Variants in CARD10 observed in about 807,000 individuals in gnomAD.
CARD10 encodes caspase recruitment domain-containing protein 10.
A neutral mutation model predicts 114.6 loss-of-function variants in CARD10; 49 were observed. That is an observed-to-expected ratio of 0.43 (90% CI 0.34 to 0.54). The LOEUF (loss-of-function observed/expected upper bound fraction) is 0.54, where lower values mean the gene tolerates loss of function less well. CARD10 is among the 20% of genes least tolerant of loss of function. The pLI, the probability that CARD10 is intolerant of heterozygous loss-of-function variation, is 0.03. For missense variants in CARD10, 1,206 were observed against 1,397.2 expected (o/e 0.86, Z 2.18); for synonymous variants, 602 against 593.2 (o/e 1.01, Z -0.21).
chr22:37,511,997 G>A (rs1224450941), intron 3 of CARD10: 1 of 152,170 alleles, frequency 6.6e-6, no homozygotes, highest in African/African-American at 2.4e-5. Context: ...CCTCCCAAAG[G>A]TGTTGCAAGA....
intron 2 of CARD10, among the ~76,000 whole-genome samples, chr22:37,517,627 C>A (rs576472037): frequency 1.3e-5 from 2 of 150,684 alleles, no homozygotes; most frequent in African/African-American, 2.5e-5. Flanking sequence ...GGTGACAGAG[C>A]AAGACACTGT....
Position 37,496,061 on chromosome 22 carries a change from AGGATC to A in CARD10, c.2060-63_2060-59del. The A allele has an allele frequency of 6.3e-7, 1 of 1,595,160 alleles. No individual in the cohort carries two copies. Among genetic ancestry groups the A allele is most frequent in the East Asian group, 2.2e-5 (1 of 44,572 alleles). On this transcript the variant is annotated intron_variant, in intron 13 of 19. Coordinates refer to ENST00000251973, the MANE Select transcript of CARD10 (RefSeq NM_014550.4). This position sits in a 1 kb window ranked among gnomAD's most constrained non-coding sequence, Gnocchi z 4.1. ...GGACAAGAGGAGGATGGTGAGGTCC[AGGATC>A]GGCCTTGGTGGGGCCAAAGACATGG...
chr22:37,495,049 G>A (rs909317995), intron 15 of CARD10, among the ~76,000 whole-genome samples: 2 of 151,856 alleles, frequency 1.3e-5, no homozygotes, highest in South Asian at 2.1e-4. Flanking sequence ...TGCAAGCTCC[G>A]CCTCCCGGGT....
At chr22:37,494,282 C>A in intron 15 of CARD10, 94 bp from the exon 16 acceptor site, 1 of 810,754 alleles carries the variant, frequency 1.2e-6, no homozygotes, top group South Asian at 1.7e-5. Context: ...GCGGGCCCCA[C>A]TGCCACTGTG....
rs60611523 is a variant in CARD10, at chr22:37,510,301, GCTCCTTCTCCTT to G, written c.808_819del (p.Lys270_Glu273del). 5.9e-4 allele frequency: 948 copies of G among 1,605,622 alleles called. 8 individuals are homozygous for G. The highest frequency in any genetic ancestry group is 4.2e-3 in the South Asian group (383 of 91,016). ...TCAGAGACAAGGTCCACATTGTCTG[GCTCCTTCTCCTT>G]CTCCTTCTCCTTCTCCTTCTCCTCT... On this transcript the variant is annotated inframe_deletion, in exon 4 of 20. Transcript: ENST00000251973.
At chr22:37,515,236 G>A (rs537950764) in intron 3 of CARD10, among the ~76,000 whole-genome samples, 1 of 152,318 alleles carries the variant, frequency 6.6e-6, no homozygotes, top group Admixed American at 6.5e-5. Context: ...TGTGAGCAGT[G>A]TGCTAGGGAC....
At position 37,491,327 on chromosome 22, in the gene CARD10, C is replaced by G; in HGVS notation, c.2931G>C (p.Gln977His). 6.4e-7 allele frequency: 1 copy of G among 1,555,848 alleles called. No homozygotes were observed. Among genetic ancestry groups the G allele is most frequent in the Non-Finnish European group, 8.7e-7 (1 of 1,155,748 alleles). Residue 977 changes from glutamine (Q) to histidine (H), a missense_variant, in exon 20 of 20, where the codon CAG (glutamine) becomes CAC (histidine). Coordinates refer to ENST00000251973, the MANE Select transcript of CARD10 (RefSeq NM_014550.4). Reference protein sequence around the residue: ...ELLRQCRGSEQVLWGLPCSWV... With the variant: ...ELLRQCRGSEHVLWGLPCSWV... Reference sequence around the variant, plus strand: ...AGGAGCAGGGCAGCCCCCAGAGCACCTGCTCTGAGCCACGGCACTGCCGCA... The same window carrying G: ...AGGAGCAGGGCAGCCCCCAGAGCACGTGCTCTGAGCCACGGCACTGCCGCA...
intron 2 of CARD10, 101 bp from the exon 3 acceptor site, chr22:37,516,399 G>A (rs1395600738): frequency 3.3e-5 from 26 of 781,096 alleles, no homozygotes; most frequent in Non-Finnish European, 5.1e-5. Flanking sequence ...AACACTAGAG[G>A]GAAATTCTGG....
At chr22:37,511,308 T>G (rs1166792560) in intron 3 of CARD10, among the ~76,000 whole-genome samples, 3 of 112,100 alleles carry the variant, frequency 2.7e-5, no homozygotes, top group African/African-American at 1.1e-4. Context: ...CAGTGAACCA[T>G]AATCGTGCCA....
At chr22:37,504,059 T>C (rs1462270549) in intron 9 of CARD10, 127 bp downstream of exon 9, 1 of 763,282 alleles carries the variant, frequency 1.3e-6, no homozygotes, top group Non-Finnish European at 2.3e-6. Flanking sequence ...GCTCCAGCCA[T>C]CTGAGGGCAA....
At position 37,519,410 on chromosome 22, in the gene CARD10, G is replaced by T. The variant is rs578192181; in HGVS notation, c.-210C>A. The T allele has an allele frequency of 7.1e-5, 84 of 1,178,012 alleles. No individual in the cohort carries two copies. The Admixed American group carries it at 2.2e-3, about 30-fold the overall frequency. The allele number at this position is 1,178,012 out of a possible 1,614,324, so 73.0% of individuals were successfully genotyped here. A position where few individuals can be genotyped will look rare whatever the true frequency, so the allele number is the denominator to read the frequency against. Reference sequence around the variant, plus strand: ...GGCGGCGGCTCCGCCGGCGCAGGGGGGCGGTGCCCGTGGCGCCCCCGGCTC... The same window carrying T: ...GGCGGCGGCTCCGCCGGCGCAGGGGTGCGGTGCCCGTGGCGCCCCCGGCTC... On this transcript the variant is annotated 5_prime_UTR_variant, in exon 1 of 20. Coordinates refer to ENST00000251973, the MANE Select transcript of CARD10 (RefSeq NM_014550.4). This position sits in a 1 kb window ranked among gnomAD's most constrained non-coding sequence, Gnocchi z 4.1.
In CARD10 at chr22:37,497,977, G is replaced by T. The variant is rs118093059; in HGVS notation, c.1788-799C>A. Among the ~76,000 whole-genome samples the T allele has an allele frequency of 1.6e-3, 251 of 152,294 alleles. 1 individual carries two copies. Among genetic ancestry groups the T allele is most frequent in the Non-Finnish European group, 2.7e-3 (184 of 68,024 alleles). ...AAGCAGAGAGAGGCTTCCCACGGAA[G>T]AAGTACCTAGGCTACACGCTGGTGA... On this transcript the variant is annotated intron_variant, in intron 11 of 19. Coordinates refer to ENST00000251973, the MANE Select transcript of CARD10 (RefSeq NM_014550.4).
chr22:37,502,045 C>T (rs1007546928), intron 11 of CARD10, among the ~76,000 whole-genome samples: 6 of 152,190 alleles, frequency 3.9e-5, no homozygotes, highest in Non-Finnish European at 8.8e-5. Context: ...GTGTGAACAG[C>T]GGCCACGCAC....
Position 37,491,781 on chromosome 22 carries a change from C to A in CARD10, c.2838G>T (p.Val946=). The A allele has an allele frequency of 7.3e-7, 1 of 1,362,128 alleles. No homozygotes were observed. The highest frequency in any genetic ancestry group is 1.0e-6 in the Non-Finnish European group (1 of 1,002,294). The allele number at this position is 1,362,128 out of a possible 1,614,324, so 84.4% of individuals were successfully genotyped here. Residue 946 remains valine (V), a synonymous_variant, in exon 19 of 20, where the codon GTG becomes GTT. Transcript: ENST00000251973. ...EIYPIVIHVE[V]TEKNVREVRG... ...TGACTTCCCGGACATTCTTCTCAGT[C>A]ACCTCCACGTGGATGACGATGGGGT... is the stretch of plus-strand genomic sequence containing the variant.
Position 37,492,389 on chromosome 22 carries a change from T to G in CARD10, c.2751+46A>C. ...TCAAGCCCAGAACAGCAGCACCCGC[T>G]CTGGGCCACCTCTGTGAGCACCCCA... On this transcript the variant is annotated intron_variant, in intron 18 of 19. Coordinates refer to ENST00000251973, the MANE Select transcript of CARD10 (RefSeq NM_014550.4). The surrounding 1 kb of genome is among the most constrained non-coding windows in gnomAD (Gnocchi z 5.7). 2.2e-6 allele frequency: 3 copies of G among 1,392,806 alleles called. No homozygotes were observed. The highest frequency in any genetic ancestry group is 2.8e-5 in the South Asian group (2 of 72,082). 86.3% of individuals were successfully genotyped at this position (1,392,806 alleles called of 1,614,324 possible).
Position 37,491,393 on chromosome 22 carries a change from C to T in CARD10, c.2865G>A (p.Arg955=). Residue 955 remains arginine (R), a splice_region_variant and synonymous_variant, in exon 20 of 20, where the codon AGG becomes AGA. Coordinates refer to ENST00000251973, the MANE Select transcript of CARD10 (RefSeq NM_014550.4). ...EVTEKNVREV[R]GLLGRPGWRD... ...GCCAGCCCGGCCGGCCCAGCAGACC[C>T]CTGCCGAGAGAAGAGTGAGCAGCGG... 1 of 1,481,604 alleles carries T rather than the reference C, an allele frequency of 6.7e-7. No individual in the cohort carries two copies. Among genetic ancestry groups the T allele is most frequent in the Non-Finnish European group, 9.0e-7 (1 of 1,117,318 alleles). The allele number at this position is 1,481,604 out of a possible 1,614,324, so 91.8% of individuals were successfully genotyped here.
chr22:37,508,179 G>A (rs191055359), intron 5 of CARD10, among the ~76,000 whole-genome samples: 88 of 152,190 alleles, frequency 5.8e-4, no homozygotes, highest in African/African-American at 1.9e-3. Context: ...TCACCCATCC[G>A]GCCACCCTTG....
chr22:37,491,932 C>A (rs1922818232), intron 18 of CARD10, 65 bp from the exon 19 acceptor site: 1 of 1,108,940 alleles, frequency 9.0e-7, no homozygotes, highest in Non-Finnish European at 1.4e-6. Flanking sequence ...CATGCGCTGC[C>A]CCCAGACGGG....
At chr22:37,502,580 C>G (rs1268828580) in intron 11 of CARD10, 22 bp downstream of exon 11, 1 of 1,611,098 alleles carries the variant, frequency 6.2e-7, no homozygotes, top group Non-Finnish European at 8.5e-7. Flanking sequence ...CCAGCTCCAC[C>G]CACTGCAGGC....
Sources: gnomAD v4.1 joint callset for allele counts (sites outside exome capture counted in the v4.1 genomes callset) on GRCh38, gnomAD v4.1.1 for gene constraint, Gnocchi (gnomAD v3.1) non-coding constraint, MANE v1.5 for transcripts, NCBI Gene and HGNC (gene_info 2026-07-23, HGNC 2026-07-21) for gene names.